Variants in ARHGAP29 observed in about 807,000 individuals in gnomAD.
The protein encoded by ARHGAP29 is rho GTPase-activating protein 29.
Under a neutral mutation model 122.6 loss-of-function variants are expected in ARHGAP29, and 43 were observed. That is an observed-to-expected ratio of 0.35 (90% confidence interval 0.27 to 0.45). The LOEUF is 0.45. Ranked by LOEUF, ARHGAP29 falls within the 20% of genes least tolerant of loss-of-function variation. The pLI, the probability that ARHGAP29 is intolerant of heterozygous loss-of-function variation, is 1.00. For missense variants in ARHGAP29, 1,303 were observed against 1,477.2 expected, an observed-to-expected ratio of 0.88 and a Z score of 1.93; for synonymous variants, 506 against 497.1, an observed-to-expected ratio of 1.02 and a Z score of -0.24.
At chr1:94,222,399 C>T (rs1265648669) in intron 2 of ARHGAP29, among the ~76,000 whole-genome samples, 2 of 152,128 alleles carry the variant, frequency 1.3e-5, no homozygotes, top group Non-Finnish European at 1.5e-5. Flanking sequence ...AGGTCAACAT[C>T]AACATTGACA....
At chr1:94,185,228 T>C (rs1321737233) in intron 17 of ARHGAP29, 114 bp downstream of exon 17, 2 of 1,242,578 alleles carry the variant, frequency 1.6e-6, no homozygotes, top group African/African-American at 1.6e-5. Context: ...AGGTGTACTG[T>C]AGTACAATTT....
the ARHGAP29 span, among the ~76,000 whole-genome samples, chr1:94,313,888 C>T: frequency 1.3e-5 from 2 of 152,144 alleles, no homozygotes; most frequent in Non-Finnish European, 2.9e-5. Flanking sequence ...GAAAACCAAA[C>T]ACTACGTGTT....
the ARHGAP29 span, among the ~76,000 whole-genome samples, chr1:94,299,515 G>T: frequency 6.6e-6 from 1 of 152,232 alleles, no homozygotes; most frequent in African/African-American, 2.4e-5. Context: ...CCACCTTCTA[G>T]GAAGGGCTGA....
chr1:94,175,434 G>T lies in ARHGAP29; in HGVS notation c.2906-685C>A, dbSNP rs114372452. 6.8e-3 allele frequency among the ~76,000 whole-genome samples: 1,036 copies of T among 152,196 alleles called. 7 individuals carry two copies. The highest frequency in any genetic ancestry group is 0.024 in the African/African-American group (997 of 41,502). On this transcript the variant is annotated intron_variant, in intron 22 of 22. Coordinates refer to ENST00000260526, the MANE Select transcript of ARHGAP29 (RefSeq NM_004815.4). ...AAATTCCAATTCCAGGAATGTTCCA[G>T]CCCTCCATTCTCCTGCTTTTCTGTT... is the stretch of plus-strand genomic sequence containing the variant.
chr1:94,188,916 T>C lies in ARHGAP29; in HGVS notation c.1602A>G (p.Thr534=), dbSNP rs1649968758. 2 of 1,612,916 alleles carry C rather than the reference T, an allele frequency of 1.2e-6. No homozygotes were observed. Among genetic ancestry groups the C allele is most frequent in the Admixed American group, 1.7e-5 (1 of 59,964 alleles). ...ITGPSFIRSW[T]FGMFSDSEST... ...TCTCAGAATCACTAAACATCCCAAA[T>C]GTCCATGATCTTATAAAGGAAGGAC... Residue 534 remains threonine, a synonymous_variant, in exon 15 of 23, where the codon ACA becomes ACG. Transcript: ENST00000260526.
intron 1 of ARHGAP29, among the ~76,000 whole-genome samples, chr1:94,271,744 A>C (rs1414411445): frequency 6.6e-6 from 1 of 152,146 alleles, no homozygotes; most frequent in Non-Finnish European, 1.5e-5. Context: ...CTCACTCACC[A>C]TTACTCTGAA....
At chr1:94,188,203 G>A (rs1210347862) in intron 15 of ARHGAP29, among the ~76,000 whole-genome samples, 3 of 152,032 alleles carry the variant, frequency 2.0e-5, no homozygotes, top group African/African-American at 7.2e-5. Flanking sequence ...AGCCACTAAG[G>A]GAGAATTCAA....
upstream of ARHGAP29, among the ~76,000 whole-genome samples, chr1:94,241,978 A>AAGAGAC (rs1192492554): frequency 4.6e-5 from 7 of 152,022 alleles, no homozygotes; most frequent in East Asian, 1.4e-3. Context: ...TGACAACTTG[A>AAGAGAC]AGAGACAGAG....
chr1:94,187,899 AAG>A (rs1649901455), intron 15 of ARHGAP29, among the ~76,000 whole-genome samples: 2 of 152,206 alleles, frequency 1.3e-5, no homozygotes, highest in Admixed American at 1.3e-4. Flanking sequence ...TAATCAGCCT[AAG>A]AACCCAGTGC....
chr1:94,227,943 T>TA (rs925661105), intron 2 of ARHGAP29, among the ~76,000 whole-genome samples: 27 of 151,650 alleles, frequency 1.8e-4, no homozygotes, highest in African/African-American at 6.3e-4. Flanking sequence ...TGACACTGGA[T>TA]AAAAAAACTA....
chr1:94,228,669 A>C (rs1652755251), intron 2 of ARHGAP29, among the ~76,000 whole-genome samples: 1 of 151,800 alleles, frequency 6.6e-6, no homozygotes, highest in African/African-American at 2.4e-5. Flanking sequence ...GGGTGATTAA[A>C]CTTGTTTGTA....
intron 16 of ARHGAP29, among the ~76,000 whole-genome samples, chr1:94,185,873 C>T (rs1002586805): frequency 2.0e-5 from 3 of 152,102 alleles, no homozygotes; most frequent in African/African-American, 4.8e-5. Flanking sequence ...AGAGTGTGAG[C>T]ATTATCTGCA....
chr1:94,283,055 C>A, the ARHGAP29 span, among the ~76,000 whole-genome samples: 11 of 152,062 alleles, frequency 7.2e-5, no homozygotes, highest in Admixed American at 6.6e-4. Context: ...AAGACACAGA[C>A]CAACAGTCAG....
intron 22 of ARHGAP29, chr1:94,176,493 G>A (rs1278432248): frequency 6.6e-6 from 1 of 152,250 alleles, no homozygotes; most frequent in African/African-American, 2.4e-5. Flanking sequence ...TGGGTTGAAT[G>A]AGGATAATGC....
chr1:94,290,022 G>GA, the ARHGAP29 span, among the ~76,000 whole-genome samples: 1 of 152,192 alleles, frequency 6.6e-6, no homozygotes, highest in Non-Finnish European at 1.5e-5. Flanking sequence ...AGTTAGGGAG[G>GA]ATTCCCTCTT....
At chr1:94,308,761 C>A in the ARHGAP29 span, among the ~76,000 whole-genome samples, 2 of 152,320 alleles carry the variant, frequency 1.3e-5, no homozygotes, top group Admixed American at 1.3e-4. Flanking sequence ...CACTTCCTCC[C>A]CTGAGGCTCT....
chr1:94,190,022 T>C lies in ARHGAP29; in HGVS notation c.1343A>G (p.Gln448Arg). The change falls in exon 13 of 23, where the codon CAG becomes CGG. Residue 448 changes from glutamine to arginine, a missense_variant. Physicochemically the swap from Gln to Arg is conservative, Grantham distance 43. Coordinates refer to ENST00000260526, the MANE Select transcript of ARHGAP29 (RefSeq NM_004815.4). ...GAGTTTGGCACTATCACAGAGAGAC[T>C]GTAAACTGTCTGCAAGGGAAGCAGC... Reference protein sequence around the residue: ...LQAASLADSLQSLCDSAKLYD... With the variant: ...LQAASLADSLRSLCDSAKLYD... 6.2e-7 allele frequency: 1 copy of C among 1,613,540 alleles called. No homozygotes were observed. Among genetic ancestry groups the C allele is most frequent in the South Asian group, 1.1e-5 (1 of 91,056 alleles).
At chr1:94,254,289 G>C (rs1323996357) in intron 1 of ARHGAP29, among the ~76,000 whole-genome samples, 1 of 152,088 alleles carries the variant, frequency 6.6e-6, no homozygotes, top group Non-Finnish European at 1.5e-5. Flanking sequence ...TTTTGTCTGG[G>C]AGCTACATGG....
chr1:94,247,859 C>A (rs571976088), intron 1 of ARHGAP29: 10 of 177,756 alleles, frequency 5.6e-5, no homozygotes, highest in Non-Finnish European at 9.9e-5. Context: ...GGCGGCTGCT[C>A]GCTCGCGCGC....
Sources: allele counts gnomAD v4.1 joint callset (sites outside exome capture counted in the v4.1 genomes callset), GRCh38; gene constraint gnomAD v4.1.1; transcripts MANE v1.5; gene names NCBI Gene and HGNC (gene_info 2026-07-23, HGNC 2026-07-21).